The following FBXL2 variants were observed in gnomAD, a reference collection of about 807,000 sequenced individuals.
The protein encoded by FBXL2 is F-box and leucine rich repeat protein 2.
Under a neutral mutation model 69.2 loss-of-function variants are expected in FBXL2, and 38 were observed. The ratio of observed to expected loss-of-function variants is 0.55; its 90% CI spans 0.42 to 0.72. The LOEUF is 0.72. Among genes scored for constraint, FBXL2 ranks in the 30% least tolerant of loss-of-function variants. The pLI is 0.00. For missense variants in FBXL2, 354 were observed against 520.3 expected, an observed-to-expected ratio of 0.68 and a Z score of 3.11; for synonymous variants, 192 against 201.3, an observed-to-expected ratio of 0.95 and a Z score of 0.39.
the FBXL2 span, chr3:33,411,601 G>A: frequency 1.1e-5 from 17 of 1,613,938 alleles, no homozygotes; most frequent in African/African-American, 2.7e-5. Context: ...GCAGAGGTGC[G>A]TTTTGCTGGG....
At chr3:33,345,210 A>G (rs2040345671) in intron 2 of FBXL2, among the ~76,000 whole-genome samples, 1 of 152,296 alleles carries the variant, frequency 6.6e-6, no homozygotes, top group South Asian at 2.1e-4. Flanking sequence ...GGGAGAATCC[A>G]TTCTTTTTTT....
At chr3:33,343,152 T>C (rs1418432142) in intron 2 of FBXL2, among the ~76,000 whole-genome samples, 2 of 151,944 alleles carry the variant, frequency 1.3e-5, no homozygotes. Flanking sequence ...AAAGCAATTA[T>C]ATATATATGA....
chr3:33,377,515 TAG>T (rs911141506), intron 11 of FBXL2, among the ~76,000 whole-genome samples, 182 bp downstream of exon 11: 1 of 152,180 alleles, frequency 6.6e-6, no homozygotes, highest in African/African-American at 2.4e-5. Flanking sequence ...GGAAGTCCTA[TAG>T]AGGGTTCTGT....
intron 2 of FBXL2, among the ~76,000 whole-genome samples, chr3:33,299,182 C>T (rs1291640874): frequency 6.6e-6 from 1 of 152,042 alleles, no homozygotes; most frequent in East Asian, 1.9e-4. Context: ...GCTGGGATTA[C>T]AGGCATGTGT....
upstream of FBXL2, chr3:33,277,326 C>T: frequency 2.2e-6 from 1 of 447,292 alleles, no homozygotes; most frequent in Non-Finnish European, 3.7e-6. Flanking sequence ...AGTTCCAGGG[C>T]CGGGGGCGAG....
chr3:33,418,656 C>T, the FBXL2 span, among the ~76,000 whole-genome samples: 9 of 151,618 alleles, frequency 5.9e-5, no homozygotes, highest in East Asian at 2.0e-4. Context: ...GTTGGGAGTT[C>T]GAGACCAGCC....
At chr3:33,396,857 C>A (rs1003334005) in intron 12 of FBXL2, 2 of 691,742 alleles carry the variant, frequency 2.9e-6, no homozygotes, top group African/African-American at 3.5e-5. Context: ...TCATCAGTGC[C>A]TGCATCATAT....
At chr3:33,295,929 T>C (rs1008431971) in intron 1 of FBXL2, among the ~76,000 whole-genome samples, 2 of 152,220 alleles carry the variant, frequency 1.3e-5, no homozygotes, top group African/African-American at 4.8e-5. Context: ...TTGTCTTTTA[T>C]TGAGTTTCAG....
At chr3:33,366,557 G>A (rs2041961643) in intron 5 of FBXL2, among the ~76,000 whole-genome samples, 1 of 152,110 alleles carries the variant, frequency 6.6e-6, no homozygotes, top group Admixed American at 6.5e-5. Context: ...CTAGCTATTT[G>A]GGAGGCTAAA....
At chr3:33,413,670 G>A in the FBXL2 span, among the ~76,000 whole-genome samples, 3 of 152,072 alleles carry the variant, frequency 2.0e-5, no homozygotes, top group African/African-American at 7.2e-5. Context: ...GCTCATGCCT[G>A]TAATCCCAGC....
rs1225962799 is a variant in FBXL2 at position 33,386,699 on chromosome 3, AT to A, written c.*1092del. On this transcript the variant is annotated 3_prime_UTR_variant, in exon 15 of 15. Transcript: ENST00000484457. ...ACATCCAAGCAAAACCATTTTCCAA[AT>A]GCAGACCTTCCTGATGTTATCTGAA... 6.6e-6 allele frequency: 1 copy of A among 152,212 alleles called. No homozygotes were observed. Among genetic ancestry groups the A allele is most frequent in the Non-Finnish European group, 1.5e-5 (1 of 68,032 alleles). The allele number at this position is 152,212 out of a possible 1,614,324, so 9.4% of individuals were successfully genotyped here.
chr3:33,347,874 T>TGG (rs2040561127), intron 2 of FBXL2, among the ~76,000 whole-genome samples: 1 of 152,188 alleles, frequency 6.6e-6, no homozygotes, highest in Non-Finnish European at 1.5e-5. Context: ...TTGTTAGATT[T>TGG]TTTTTTCCTA....
chr3:33,360,495 G>A (rs543566371), intron 4 of FBXL2, among the ~76,000 whole-genome samples: 1 of 152,132 alleles, frequency 6.6e-6, no homozygotes, highest in East Asian at 1.9e-4. Context: ...CTGTCATATT[G>A]TGGTGCTCTG....
chr3:33,364,624 G>A lies in FBXL2; in HGVS notation c.196-1G>A. 1 of 1,613,816 alleles carries A rather than the reference G, an allele frequency of 6.2e-7. No individual in the cohort carries two copies. Among genetic ancestry groups the A allele is most frequent in the Non-Finnish European group, 8.5e-7 (1 of 1,179,790 alleles). On this transcript the variant is annotated splice_acceptor_variant, in intron 4 of 14. Coordinates refer to ENST00000484457, the MANE Select transcript of FBXL2 (RefSeq NM_012157.5). LOFTEE classifies it high-confidence loss of function. ...TTCCTCCCGAACTTTCTTGATTAAA[G>A]GGTCGAGTGGTGGAAAATATCTCGA...
At chr3:33,366,409 A>G (rs1380435825) in intron 5 of FBXL2, among the ~76,000 whole-genome samples, 1 of 152,116 alleles carries the variant, frequency 6.6e-6, no homozygotes, top group African/African-American at 2.4e-5. Flanking sequence ...GCTGACATCT[A>G]TAACCCCAGT....
intron 2 of FBXL2, among the ~76,000 whole-genome samples, chr3:33,328,487 T>C (rs1181135911): frequency 6.6e-6 from 1 of 152,064 alleles, no homozygotes; most frequent in Non-Finnish European, 1.5e-5. Flanking sequence ...ATGGTGCTGG[T>C]ATAGAAACAA....
chr3:33,407,412 C>T (rs2044456056), downstream of FBXL2, among the ~76,000 whole-genome samples: 1 of 152,018 alleles, frequency 6.6e-6, no homozygotes, highest in African/African-American at 2.4e-5. Context: ...CAGAATCCCC[C>T]CCAAAGAAGT....
rs1020843401 is a variant in FBXL2, at chr3:33,277,574, C to T, written c.3+59C>T. On this transcript the variant is annotated intron_variant, in intron 1 of 14. Transcript: ENST00000484457. ...CGCCCTACCCCTACCGGGCTGGGTC[C>T]GCACGCCGCCGCCCGCTAGGGTCGG... The T allele has an allele frequency of 3.2e-5, 40 of 1,249,860 alleles. 1 individual carries two copies. In the South Asian group the frequency reaches 1.3e-3, roughly 40 times the overall value. The allele number at this position is 1,249,860 out of a possible 1,614,324, so 77.4% of individuals were successfully genotyped here. A position where few individuals can be genotyped will look rare whatever the true frequency, so the allele number is the denominator to read the frequency against.
the FBXL2 span, chr3:33,416,697 TA>T: frequency 7.7e-7 from 1 of 1,299,366 alleles, no homozygotes; most frequent in Non-Finnish European, 1.1e-6. Context: ...AATTTTTTTT[TA>T]AACAAAAACT....
Sources: allele counts gnomAD v4.1 joint callset (sites outside exome capture counted in the v4.1 genomes callset), GRCh38; gene constraint gnomAD v4.1.1; transcripts MANE v1.5; gene names NCBI Gene and HGNC (gene_info 2026-07-23, HGNC 2026-07-21).